MYRFL: variants seen among roughly 807,000 people sequenced by gnomAD.
MYRFL encodes the protein myelin regulatory factor like, also known as myelin regulatory factor-like protein.
Under a neutral mutation model 109.4 loss-of-function variants are expected in MYRFL, and 88 were observed. The observed-to-expected ratio is 0.80, with a 90% CI of 0.68 to 0.96. The LOEUF (loss-of-function observed/expected upper bound fraction) is 0.96. Among genes scored for constraint, MYRFL ranks in the 40% least tolerant of loss-of-function variants. The pLI is 0.00. For missense variants in MYRFL, 957 were observed against 954.9 expected (o/e 1.00, Z -0.03); for synonymous variants, 324 against 320.9 (o/e 1.01, Z -0.10).
chr12:69,846,268 C>T (rs909516685), intron 1 of MYRFL, among the ~76,000 whole-genome samples: 1 of 151,112 alleles, frequency 6.6e-6, no homozygotes, highest in African/African-American at 2.4e-5. Context: ...ATACATGTGC[C>T]ATGCTGGTGT....
chr12:69,938,872 C>T (rs1332210918), intron 19 of MYRFL, among the ~76,000 whole-genome samples: 1 of 152,142 alleles, frequency 6.6e-6, no homozygotes, highest in East Asian at 1.9e-4. Context: ...GAGGCATTGC[C>T]TCACCCGGGA....
intron 1 of MYRFL, among the ~76,000 whole-genome samples, chr12:69,836,544 G>A (rs952284670): frequency 1.3e-5 from 2 of 152,170 alleles, no homozygotes; most frequent in African/African-American, 4.8e-5. Context: ...TCCTTGGAAC[G>A]ATTTTTCTGT....
chr12:69,930,358 G>A (rs545782625), intron 15 of MYRFL, among the ~76,000 whole-genome samples: 30 of 152,240 alleles, frequency 2.0e-4, no homozygotes, highest in African/African-American at 7.2e-4. Flanking sequence ...GTCTCCTGAT[G>A]TAGCTCTCAT....
chr12:69,827,832 A>G (rs1044070090), intron 1 of MYRFL, among the ~76,000 whole-genome samples: 1 of 152,078 alleles, frequency 6.6e-6, no homozygotes, highest in Non-Finnish European at 1.5e-5. Flanking sequence ...TCTATAGCAA[A>G]GTTTATTAAA....
chr12:69,954,941 G>A (rs1040942825), intron 21 of MYRFL, among the ~76,000 whole-genome samples: 2 of 152,146 alleles, frequency 1.3e-5, no homozygotes, highest in South Asian at 4.1e-4. Context: ...TTGCTCAAAA[G>A]GGAGTGATTT....
chr12:69,875,165 A>G (rs764578039), intron 2 of MYRFL, among the ~76,000 whole-genome samples: 48 of 149,824 alleles, frequency 3.2e-4, no homozygotes, highest in Middle Eastern at 3.4e-3. Flanking sequence ...GCAGGTTCAT[A>G]AATCTCTTTT....
intron 1 of MYRFL, among the ~76,000 whole-genome samples, chr12:69,835,719 A>G (rs1882895383): frequency 6.6e-6 from 1 of 152,190 alleles, no homozygotes; most frequent in African/African-American, 2.4e-5. Context: ...AGTTCCTGAC[A>G]TGGAAGAGGT....
chr12:69,938,801 A>C (rs371377941), intron 19 of MYRFL, among the ~76,000 whole-genome samples: 1 of 152,050 alleles, frequency 6.6e-6, no homozygotes, highest in Non-Finnish European at 1.5e-5. Flanking sequence ...CTCACTAGGG[A>C]GTGCCAGACA....
At chr12:69,863,921 A>G (rs1884850082) in intron 2 of MYRFL, among the ~76,000 whole-genome samples, 1 of 152,216 alleles carries the variant, frequency 6.6e-6, no homozygotes, top group South Asian at 2.1e-4. Flanking sequence ...CTGAATATGA[A>G]ATACTTGGTC....
intron 9 of MYRFL, 78 bp from the exon 10 acceptor site, chr12:69,897,078 C>A: frequency 1.1e-6 from 1 of 941,172 alleles, no homozygotes; most frequent in Non-Finnish European, 1.7e-6. Flanking sequence ...TATTGATCAA[C>A]TGTTGGGTGG....
chr12:69,865,124 A>C (rs1884940095), intron 2 of MYRFL, among the ~76,000 whole-genome samples: 1 of 152,240 alleles, frequency 6.6e-6, no homozygotes. Flanking sequence ...ATAACAAAAG[A>C]CAGGCTAACA....
chr12:69,923,749 C>T (rs1954983087), intron 13 of MYRFL, among the ~76,000 whole-genome samples: 1 of 151,854 alleles, frequency 6.6e-6, no homozygotes, highest in Non-Finnish European at 1.5e-5. Flanking sequence ...AGTCAAATTA[C>T]TATGTTTTGA....
intron 8 of MYRFL, 148 bp from the exon 9 acceptor site, chr12:69,895,223 T>C (rs1953947026): frequency 1.4e-5 from 9 of 621,176 alleles, no homozygotes; most frequent in Non-Finnish European, 2.5e-5. Context: ...TAGCAGTTAA[T>C]AATCGGGGAC....
intron 10 of MYRFL, among the ~76,000 whole-genome samples, chr12:69,899,440 C>A (rs1954113358): frequency 1.3e-5 from 2 of 151,564 alleles, no homozygotes; most frequent in Non-Finnish European, 1.5e-5. Context: ...GGCAGACCAG[C>A]CAACATTCTA....
intron 12 of MYRFL, among the ~76,000 whole-genome samples, chr12:69,910,465 G>C (rs1954525294): frequency 6.6e-6 from 1 of 151,872 alleles, no homozygotes; most frequent in Non-Finnish European, 1.5e-5. Flanking sequence ...TAAGCAAAGT[G>C]ATGTTTATAC....
chr12:69,929,569 T>C (rs900546716), intron 15 of MYRFL, among the ~76,000 whole-genome samples: 2 of 152,176 alleles, frequency 1.3e-5, no homozygotes, highest in Admixed American at 1.3e-4. Flanking sequence ...GAGTTGTTTG[T>C]TTAGGGAAGA....
intron 1 of MYRFL, among the ~76,000 whole-genome samples, chr12:69,840,150 GCAAT>G (rs1276387815): frequency 3.9e-5 from 6 of 152,206 alleles, no homozygotes; most frequent in African/African-American, 1.4e-4. Context: ...AGCTATGAAT[GCAAT>G]CAGTCACGAT....
At chr12:69,837,266 C>T (rs1301475333) in intron 1 of MYRFL, among the ~76,000 whole-genome samples, 10 of 152,164 alleles carry the variant, frequency 6.6e-5, no homozygotes, top group Admixed American at 6.5e-4. Context: ...GGGAAAATTG[C>T]CTCCCTTCTA....
intron 6 of MYRFL, among the ~76,000 whole-genome samples, chr12:69,887,805 G>A (rs1247711720): frequency 2.0e-5 from 3 of 152,212 alleles, no homozygotes; most frequent in Non-Finnish European, 2.9e-5. Context: ...GGGAGTTGGT[G>A]TGTTTAATAA....
Sources: allele counts gnomAD v4.1 joint callset (sites outside exome capture counted in the v4.1 genomes callset), GRCh38; gene constraint gnomAD v4.1.1; transcripts MANE v1.5; gene names NCBI Gene and HGNC (gene_info 2026-07-23, HGNC 2026-07-21).